Variants in SYNPR observed in about 807,000 individuals in gnomAD.
SYNPR encodes synaptoporin.
SYNPR carries 23 observed loss-of-function variants against 32.9 expected under a neutral mutation model. The ratio of observed to expected loss-of-function variants is 0.70; its 90% CI spans 0.50 to 0.99. SYNPR has a LOEUF of 0.99. Ranked by LOEUF, SYNPR falls within the 50% of genes least tolerant of loss-of-function variation. The pLI, the probability that SYNPR is intolerant of heterozygous loss-of-function variation, is 0.00. For synonymous variants in SYNPR, 146 were observed against 135.9 expected (o/e 1.07, Z -0.52); for missense variants, 318 against 349.3 (o/e 0.91, Z 0.71).
intron 3 of SYNPR, among the ~76,000 whole-genome samples, chr3:63,512,865 A>G (rs1701723565): frequency 6.6e-6 from 1 of 152,156 alleles, no homozygotes; most frequent in South Asian, 2.1e-4. Flanking sequence ...CAGAAAACTA[A>G]TACGGGGTTC....
intron 2 of SYNPR, among the ~76,000 whole-genome samples, chr3:63,455,058 T>A (rs902845281): frequency 3.9e-5 from 6 of 152,118 alleles, no homozygotes; most frequent in African/African-American, 1.2e-4. Flanking sequence ...ACTTTCTGAT[T>A]TTAATTTAGG....
chr3:63,231,367 T>G (rs887915421), intron 1 of SYNPR, among the ~76,000 whole-genome samples: 5 of 152,008 alleles, frequency 3.3e-5, no homozygotes, highest in African/African-American at 1.2e-4. Context: ...AGACTACATA[T>G]TGGATACAAT....
Position 63,313,690 on chromosome 3 carries a change from CATATATATATATCCAT to C in SYNPR, c.84+34959_84+34974del, listed in dbSNP as rs1216340613. 6.0e-3 allele frequency among the ~76,000 whole-genome samples: 280 copies of C among 46,636 alleles called. 44 individuals carry two copies. Among genetic ancestry groups the C allele is most frequent in the African/African-American group, 0.026 (267 of 10,108 alleles). The allele number at this position is 46,636 out of a possible 152,430, so 30.6% of individuals were successfully genotyped here. A position where few individuals can be genotyped will look rare whatever the true frequency, so the allele number is the denominator to read the frequency against. ...ACAGAAATTAATACACATATATATC[CATATATATATATCCAT>C]ATATATATATCCATATATATATATC... On this transcript the variant is annotated intron_variant, in intron 2 of 5. Transcript: ENST00000478300.
At chr3:63,366,331 T>G (rs1337034999) in intron 2 of SYNPR, among the ~76,000 whole-genome samples, 1 of 152,296 alleles carries the variant, frequency 6.6e-6, no homozygotes, top group South Asian at 2.1e-4. Flanking sequence ...TGGTTTTAAA[T>G]AAGCTTAGAT....
intron 2 of SYNPR, among the ~76,000 whole-genome samples, chr3:63,453,942 A>G (rs1177357426): frequency 6.6e-6 from 1 of 152,196 alleles, no homozygotes; most frequent in African/African-American, 2.4e-5. Flanking sequence ...CTGTATTATC[A>G]TGATATAATC....
intron 3 of SYNPR, among the ~76,000 whole-genome samples, chr3:63,524,316 C>A (rs1041435478): frequency 6.6e-6 from 1 of 152,156 alleles, no homozygotes; most frequent in African/African-American, 2.4e-5. Flanking sequence ...TCAGCTCCGA[C>A]AAGCTATACT....
intron 3 of SYNPR, among the ~76,000 whole-genome samples, chr3:63,268,589 A>C (rs1410907524): frequency 6.6e-6 from 1 of 152,226 alleles, no homozygotes; most frequent in Admixed American, 6.5e-5. Flanking sequence ...AAAGAAGGGA[A>C]ATACATTTAC....
upstream of SYNPR, among the ~76,000 whole-genome samples, chr3:63,276,620 T>TCCCC (rs11398109): frequency 8.4e-5 from 12 of 142,116 alleles, no homozygotes; most frequent in Non-Finnish European, 1.2e-4. Context: ...TAGTGTTAGT[T>TCCCC]CCCCCCACCC....
At chr3:63,518,719 C>G (rs1239286847) in intron 3 of SYNPR, among the ~76,000 whole-genome samples, 1 of 152,164 alleles carries the variant, frequency 6.6e-6, no homozygotes, top group Non-Finnish European at 1.5e-5. Context: ...CATGTGGACT[C>G]AGCCCACCTT....
At chr3:63,294,206 A>C (rs767913015) in intron 2 of SYNPR, among the ~76,000 whole-genome samples, 93 of 152,200 alleles carry the variant, frequency 6.1e-4, no homozygotes, top group Non-Finnish European at 7.5e-4. Context: ...TTAAAGATAA[A>C]TAATTACTAT....
At chr3:63,548,158 A>G (rs928305026) in intron 3 of SYNPR, among the ~76,000 whole-genome samples, 2 of 152,180 alleles carry the variant, frequency 1.3e-5, no homozygotes, top group African/African-American at 4.8e-5. Flanking sequence ...ATGAAGTTCA[A>G]TAAATCTTTA....
intron 2 of SYNPR, among the ~76,000 whole-genome samples, chr3:63,358,299 A>T (rs1174160767): frequency 6.6e-6 from 1 of 152,236 alleles, no homozygotes; most frequent in Non-Finnish European, 1.5e-5. Context: ...GGAGACTCTA[A>T]GGGAGAATCT....
chr3:63,455,250 T>C lies in SYNPR; in HGVS notation c.85-25582T>C, dbSNP rs76507090. ...TATGTTAAAGGAGACAAAAATATCA[T>C]TTCTAATTATTATAACTCTTATAGG... On this transcript the variant is annotated intron_variant, in intron 2 of 5. Coordinates refer to ENST00000478300, the MANE Select transcript of SYNPR (RefSeq NM_001130003.2). 5.3e-3 allele frequency among the ~76,000 whole-genome samples: 807 copies of C among 152,220 alleles called. 6 individuals carry two copies. Among genetic ancestry groups the C allele is most frequent in the Non-Finnish European group, 9.1e-3 (618 of 67,992 alleles).
At chr3:63,489,456 C>T (rs542935450) in intron 3 of SYNPR, among the ~76,000 whole-genome samples, 8 of 152,244 alleles carry the variant, frequency 5.3e-5, no homozygotes, top group South Asian at 2.1e-4. Flanking sequence ...AAGAGAGATA[C>T]GGGTGGGCAA....
chr3:63,595,835 A>T (rs1485453548), intron 4 of SYNPR, among the ~76,000 whole-genome samples: 3 of 73,126 alleles, frequency 4.1e-5, no homozygotes, highest in African/African-American at 1.1e-4. Flanking sequence ...ATATATAGTT[A>T]TATATATAGT....
intron 2 of SYNPR, among the ~76,000 whole-genome samples, chr3:63,334,847 C>T (rs115012651): frequency 0.011 from 1,683 of 152,144 alleles, 39 homozygotes; most frequent in African/African-American, 0.039. Context: ...GCGAAAACTG[C>T]AATAACCTTT....
rs527755508 is a variant in SYNPR, at chr3:63,609,682, G to A, written c.600+366G>A. Among the ~76,000 whole-genome samples, 8 of 152,262 alleles carry A rather than the reference G, an allele frequency of 5.3e-5. No individual in the cohort carries two copies. In the South Asian group the frequency reaches 1.7e-3, roughly 32 times the overall value. On this transcript the variant is annotated intron_variant, in intron 5 of 5. Transcript: ENST00000478300. ...AGCAATTTAGGAGGCCAAGGTGGGA[G>A]GATCACCTGAGATCAGGAGTTCAAG... is the stretch of plus-strand genomic sequence containing the variant.
At chr3:63,224,825 C>T (rs1454714271), upstream of SYNPR, among the ~76,000 whole-genome samples, 2 of 152,196 alleles carry the variant, frequency 1.3e-5, no homozygotes, top group African/African-American at 2.4e-5. Context: ...TACAATTGTC[C>T]TTGACAGCAT....
rs146493029 is a variant in SYNPR, at chr3:63,281,036, T to A, written c.84+2294T>A. On this transcript the variant is annotated intron_variant, in intron 2 of 5. Coordinates refer to ENST00000478300, the MANE Select transcript of SYNPR (RefSeq NM_001130003.2). ...GAGTACTAGTTGCTGAAAAAGCTAG[T>A]AGTGAACAGAGGGAAAGAACATACA... Among the ~76,000 whole-genome samples, 879 of 152,204 alleles carry A rather than the reference T, an allele frequency of 5.8e-3. 6 individuals are homozygous for A. The highest frequency in any genetic ancestry group is 0.02 in the African/African-American group (845 of 41,544).
Sources: allele counts gnomAD v4.1 joint callset (sites outside exome capture counted in the v4.1 genomes callset), GRCh38; gene constraint gnomAD v4.1.1; transcripts MANE v1.5; gene names NCBI Gene and HGNC (gene_info 2026-07-23, HGNC 2026-07-21).